EDRF1: variants seen among roughly 807,000 people sequenced by gnomAD.
EDRF1 encodes the protein erythroid differentiation regulatory factor 1.
In EDRF1, 69 loss-of-function variants were observed where a neutral mutation model predicts 148.7. The observed-to-expected ratio is 0.46, with a 90% CI of 0.38 to 0.57. The LOEUF (loss-of-function observed/expected upper bound fraction) is 0.57, where lower values mean the gene tolerates loss of function less well. EDRF1 is among the 20% of genes least tolerant of loss of function. The probability of loss-of-function intolerance (pLI) is 0.00; values close to 1 mark genes in which losing one functional copy is unlikely to be tolerated. For missense variants in EDRF1, 1,118 were observed against 1,478.7 expected, an observed-to-expected ratio of 0.76 and a Z score of 4.00; for synonymous variants, 515 against 532.8, an observed-to-expected ratio of 0.97 and a Z score of 0.46.
Position 125,721,208 on chromosome 10 carries a change from C to T in EDRF1, c.113C>T (p.Ser38Leu), listed in dbSNP as rs750154649. Residue 38 changes from serine (S) to leucine (L), a missense_variant, in exon 2 of 25, where the codon TCA (serine) becomes TTA (leucine). Around this residue, in one of 3 missense-constraint regions of EDRF1, gnomAD observed 65 missense variants for 50.3 expected, o/e 1.29. Coordinates refer to ENST00000356792, the MANE Select transcript of EDRF1 (RefSeq NM_001202438.2). ...GESEESSAQG[S>L]ALFLGGNEVK... Reference sequence around the variant, plus strand: ...TTCACCCAATGTGTTAATTAGGGATCAGCTTTATTTCTTGGAGGCAATGAA... The same window carrying T: ...TTCACCCAATGTGTTAATTAGGGATTAGCTTTATTTCTTGGAGGCAATGAA... 2.5e-6 allele frequency: 4 copies of T among 1,613,904 alleles called. No individual in the cohort carries two copies. The African/African-American group carries it at 4.0e-5, about 16-fold the overall frequency.
In EDRF1 at chr10:125,763,186, C is replaced by T; in HGVS notation, c.3546-115C>T. On this transcript the variant is annotated intron_variant, in intron 24 of 24. Transcript: ENST00000356792. The surrounding 1 kb of genome is among the most constrained non-coding windows in gnomAD (Gnocchi z 4.3). ...TCTGAACCCGGCAGGAGAGGAATGC[C>T]TGCTGCTCTGTGAAGAGTGACTGTT... The T allele has an allele frequency of 9.6e-7, 1 of 1,045,558 alleles. No homozygotes were observed. The highest frequency in any genetic ancestry group is 2.0e-4 in the Middle Eastern group (1 of 5,012). The allele number at this position is 1,045,558 out of a possible 1,614,324, so 64.8% of individuals were successfully genotyped here.
intron 16 of EDRF1, 28 bp downstream of exon 16, chr10:125,740,679 A>G (rs1848973646): frequency 6.2e-7 from 1 of 1,603,994 alleles, no homozygotes; most frequent in Non-Finnish European, 8.5e-7. Flanking sequence ...AATATGTTTA[A>G]TAGGCACTGG....
At position 125,723,766 on chromosome 10, in the gene EDRF1, A is replaced by G. The variant is rs763651549; in HGVS notation, c.385-45A>G. ...TAAAATTTAAAAGATTCCAAATCACACTAAAACAGTCTTTCTAAACTATTT... is the reference window on the plus strand; with the variant it reads ...TAAAATTTAAAAGATTCCAAATCACGCTAAAACAGTCTTTCTAAACTATTT... On this transcript the variant is annotated intron_variant, in intron 3 of 24. Transcript: ENST00000356792. 11 of 1,566,536 alleles carry G rather than the reference A, an allele frequency of 7.0e-6. No homozygotes were observed. In the African/African-American group the frequency reaches 1.4e-4, roughly 19 times the overall value.
At chr10:125,759,722 T>A (rs1359049863) in intron 24 of EDRF1, among the ~76,000 whole-genome samples, 1 of 152,118 alleles carries the variant, frequency 6.6e-6, no homozygotes, top group Non-Finnish European at 1.5e-5. Context: ...TATTTATTTT[T>A]TTTTTTGAGA....
chr10:125,721,683 T>C (rs1848013570), intron 2 of EDRF1, among the ~76,000 whole-genome samples: 1 of 152,236 alleles, frequency 6.6e-6, no homozygotes, highest in African/African-American at 2.4e-5. Context: ...CAATCAGCCC[T>C]TTCATTTTAG....
At chr10:125,738,746 A>G (rs1462200833) in intron 15 of EDRF1, among the ~76,000 whole-genome samples, 1 of 152,204 alleles carries the variant, frequency 6.6e-6, no homozygotes, top group Non-Finnish European at 1.5e-5. Context: ...AGACTTAGCC[A>G]GACTGCCTAA....
chr10:125,721,404 A>G lies in EDRF1; in HGVS notation c.309A>G (p.Pro103=), dbSNP rs758844407. Reference sequence around the variant, plus strand: ...TTGGCAACAGCAAGAAAAGCAAGCCATTTTCAAGGTAAATATTAATCAGTG... The same window carrying G: ...TTGGCAACAGCAAGAAAAGCAAGCCGTTTTCAAGGTAAATATTAATCAGTG... ...TILGNSKKSK[P]FSSFGMAYDF... is the part of the protein sequence containing the mutation. The change falls in exon 2 of 25, where the codon CCA becomes CCG. Residue 103 remains proline, a synonymous_variant. Transcript: ENST00000356792. 37 of 1,613,988 alleles carry G rather than the reference A, an allele frequency of 2.3e-5. No homozygotes were observed. Among genetic ancestry groups the G allele is most frequent in the Non-Finnish European group, 2.7e-5 (32 of 1,180,010 alleles).
intron 19 of EDRF1, among the ~76,000 whole-genome samples, chr10:125,746,165 A>G (rs1311004341): frequency 1.3e-5 from 2 of 152,248 alleles, no homozygotes; most frequent in East Asian, 1.9e-4. Context: ...GGTTTGTACA[A>G]CGAGCATGAA....
At chr10:125,720,810 CAA>C (rs34319808) in intron 1 of EDRF1, among the ~76,000 whole-genome samples, 88,394 of 131,868 alleles carry the variant, frequency 0.67, 29,216 homozygotes, top group East Asian at 0.86. Flanking sequence ...GACTGCGTCT[CAA>C]AAAAAAAAAA....
intron 1 of EDRF1, 44 bp from the exon 2 acceptor site, chr10:125,721,159 GT>G (rs1173703529): frequency 6.3e-7 from 1 of 1,590,582 alleles, no homozygotes; most frequent in African/African-American, 1.3e-5. Context: ...GAGATTTTTC[GT>G]TCTTAGTAAT....
chr10:125,758,027 T>C (rs1307071427), intron 24 of EDRF1, among the ~76,000 whole-genome samples: 1 of 152,256 alleles, frequency 6.6e-6, no homozygotes, highest in Non-Finnish European at 1.5e-5. Flanking sequence ...CTGGTTTTTT[T>C]GATGCCATTT....
rs1848616673 is a variant in EDRF1, at chr10:125,734,134, C to G, written c.1448C>G (p.Thr483Arg). The change falls in exon 12 of 25, where the codon ACA (threonine) becomes AGA (arginine). Residue 483 changes from threonine to arginine, a missense_variant. Thr to Arg is a moderately conservative substitution (Grantham distance 71, BLOSUM62 -1). Transcript: ENST00000356792. ...AAGAAACACTATGGAACTATTAGAA[C>G]ATTGCTTCTTAATTGTCTGAAATTA... Reference protein sequence around the residue: ...QNKKHYGTIRTLLLNCLKLLD... With the variant: ...QNKKHYGTIRRLLLNCLKLLD... 2 of 1,613,190 alleles carry G rather than the reference C, an allele frequency of 1.2e-6. No homozygotes were observed. The highest frequency in any genetic ancestry group is 1.7e-6 in the Non-Finnish European group (2 of 1,179,298).
chr10:125,740,376 T>C lies in EDRF1; in HGVS notation c.1982-87T>C, dbSNP rs951754610. The C allele has an allele frequency of 2.2e-6, 3 of 1,354,996 alleles. No individual in the cohort carries two copies. The African/African-American group carries it at 4.3e-5, about 19-fold the overall frequency. 83.9% of individuals were successfully genotyped at this position (1,354,996 alleles called of 1,614,324 possible). On this transcript the variant is annotated intron_variant, in intron 15 of 24. Transcript: ENST00000356792. The stretch of plus-strand genomic sequence containing the variant: ...TCTTGTCACCTAAGTCTAGAGTGTT[T>C]CCATCAAGAAACAGAAAATATTTTT...
At chr10:125,736,085 C>T (rs1490072063) in intron 13 of EDRF1, among the ~76,000 whole-genome samples, 181 bp downstream of exon 13, 1 of 152,174 alleles carries the variant, frequency 6.6e-6, no homozygotes, top group Non-Finnish European at 1.5e-5. Flanking sequence ...AACTGACCCA[C>T]ATTATGCAAG....
chr10:125,740,092 C>T (rs533334046), intron 15 of EDRF1, among the ~76,000 whole-genome samples: 7 of 152,210 alleles, frequency 4.6e-5, no homozygotes, highest in African/African-American at 1.4e-4. Context: ...TGGGGAGAAG[C>T]CGTTTTCATG....
intron 24 of EDRF1, among the ~76,000 whole-genome samples, chr10:125,759,714 T>C (rs1564756765): frequency 6.6e-6 from 1 of 152,064 alleles, no homozygotes. Flanking sequence ...TTTATTTTTA[T>C]TTATTTTTTT....
chr10:125,720,994 C>T (rs1297781599), intron 1 of EDRF1, among the ~76,000 whole-genome samples: 1 of 152,090 alleles, frequency 6.6e-6, no homozygotes, highest in Non-Finnish European at 1.5e-5. Context: ...AACCATCATA[C>T]TCCTTGACTC....
At chr10:125,743,414 C>A (rs1554873753) in intron 18 of EDRF1, 138 bp downstream of exon 18, 2 of 700,514 alleles carry the variant, frequency 2.9e-6, no homozygotes, top group South Asian at 1.6e-5. Flanking sequence ...TCTTATTATT[C>A]TTAAGAAATA....
At chr10:125,742,173 A>G (rs888852062) in intron 17 of EDRF1, 36 of 1,232,620 alleles carry the variant, frequency 2.9e-5, no homozygotes, top group Non-Finnish European at 3.1e-5. Context: ...AAGTTAGTTC[A>G]TAGCCACCTG....
Sources: gnomAD v4.1 joint callset for allele counts (sites outside exome capture counted in the v4.1 genomes callset) on GRCh38, gnomAD v4.1.1 for gene constraint, gnomAD v4.1.1 regional missense constraint, Gnocchi (gnomAD v3.1) non-coding constraint, MANE v1.5 for transcripts, NCBI Gene and HGNC (gene_info 2026-07-23, HGNC 2026-07-21) for gene names.